Variants in ETS1 observed in about 807,000 individuals in gnomAD.
The protein encoded by ETS1 is ETS proto-oncogene 1, transcription factor.
Under a neutral mutation model 58.6 loss-of-function variants are expected in ETS1, and 15 were observed. That is an observed-to-expected ratio of 0.26 (90% CI 0.17 to 0.39). ETS1 has a LOEUF of 0.39. Ranked by LOEUF, ETS1 falls within the 10% of genes least tolerant of loss-of-function variation. ETS1 has a pLI of 1.00. For missense variants in ETS1, 417 were observed against 610.5 expected (o/e 0.68, Z 3.34); for synonymous variants, 214 against 218.2 (o/e 0.98, Z 0.17).
chr11:128,564,361 G>A (rs904526151), intron 2 of ETS1, among the ~76,000 whole-genome samples: 3 of 152,218 alleles, frequency 2.0e-5, no homozygotes, highest in Non-Finnish European at 4.4e-5. Context: ...CTTGGTGAAA[G>A]TGCAGGCCTG....
At chr11:128,526,614 C>A (rs1863806665) in intron 3 of ETS1, 1 of 266,192 alleles carries the variant, frequency 3.8e-6, no homozygotes, top group Non-Finnish European at 7.4e-6. Flanking sequence ...CACCACATTT[C>A]ATTTAAAAAT....
intron 3 of ETS1, among the ~76,000 whole-genome samples, chr11:128,553,273 C>G (rs1179223927): frequency 1.3e-5 from 2 of 152,188 alleles, no homozygotes; most frequent in East Asian, 3.8e-4. Flanking sequence ...ATGATGACTA[C>G]AAGATTGTTG....
At chr11:128,565,741 T>A (rs1036221064) in intron 2 of ETS1, among the ~76,000 whole-genome samples, 11 of 152,232 alleles carry the variant, frequency 7.2e-5, no homozygotes, top group African/African-American at 2.4e-4. Flanking sequence ...TTCAGCAGTC[T>A]CATTCCCACT....
chr11:128,523,748 A>T (rs1282501301), intron 3 of ETS1, among the ~76,000 whole-genome samples: 2 of 152,248 alleles, frequency 1.3e-5, no homozygotes, highest in African/African-American at 2.4e-5. Context: ...TGTATGTGAT[A>T]GTCCTAATTT....
intron 1 of ETS1, among the ~76,000 whole-genome samples, chr11:128,579,826 A>G (rs1393452183): frequency 6.6e-6 from 1 of 152,084 alleles, no homozygotes; most frequent in Non-Finnish European, 1.5e-5. Flanking sequence ...TCTGAATACT[A>G]TAGAAATGTA....
intron 7 of ETS1, among the ~76,000 whole-genome samples, chr11:128,484,064 T>A (rs1265147604): frequency 6.6e-6 from 1 of 152,234 alleles, no homozygotes; most frequent in African/African-American, 2.4e-5. Flanking sequence ...TCTGAGTGTT[T>A]ATGTCCTGTT....
At chr11:128,472,154 T>C (rs1862203679) in intron 8 of ETS1, among the ~76,000 whole-genome samples, 2 of 152,178 alleles carry the variant, frequency 1.3e-5, no homozygotes, top group South Asian at 4.1e-4. Flanking sequence ...GTGTCCTACC[T>C]ACGCCTTTAA....
intron 3 of ETS1, among the ~76,000 whole-genome samples, chr11:128,499,999 C>T (rs1176428210): frequency 1.3e-5 from 2 of 152,208 alleles, no homozygotes; most frequent in East Asian, 1.9e-4. Flanking sequence ...CTCCCTCCCA[C>T]GCAGGAAACA....
At chr11:128,520,782 A>G (rs3935794) in intron 3 of ETS1, among the ~76,000 whole-genome samples, 10,917 of 152,256 alleles carry the variant, frequency 0.072, 401 homozygotes, top group African/African-American at 0.09. Flanking sequence ...AGAATGACAA[A>G]ACATCAGTAT....
At chr11:128,571,500 T>TCCAGCCTGGACGACAGAGCAAGACTC (rs1565414945) in intron 2 of ETS1, among the ~76,000 whole-genome samples, 7 of 36,140 alleles carry the variant, frequency 1.9e-4, no homozygotes, top group African/African-American at 7.5e-4. Flanking sequence ...CAAGACTCCG[T>TCCAGCCTGGACGACAGAGCAAGACTC]CAAAAAAAAA....
intron 8 of ETS1, among the ~76,000 whole-genome samples, chr11:128,469,733 A>G (rs1862134766): frequency 6.6e-6 from 1 of 152,220 alleles, no homozygotes; most frequent in Non-Finnish European, 1.5e-5. Flanking sequence ...ACTGGCAATC[A>G]AGACCCTGAG....
At chr11:128,540,928 C>T (rs1864048460) in intron 3 of ETS1, among the ~76,000 whole-genome samples, 1 of 152,208 alleles carries the variant, frequency 6.6e-6, no homozygotes, top group Admixed American at 6.5e-5. Flanking sequence ...CTCAAGGATA[C>T]ATAAAGCAGA....
intron 1 of ETS1, among the ~76,000 whole-genome samples, chr11:128,579,705 T>G (rs1427679179): frequency 6.9e-6 from 1 of 145,526 alleles, no homozygotes; most frequent in Non-Finnish European, 1.5e-5. Flanking sequence ...CAACTAACCA[T>G]GTAAAAAAAA....
intron 3 of ETS1, among the ~76,000 whole-genome samples, chr11:128,554,174 G>A (rs566829520): frequency 3.4e-4 from 52 of 152,262 alleles, no homozygotes; most frequent in African/African-American, 1.2e-3. Context: ...GGCTAGAAAG[G>A]CTCAGGGTTC....
Position 128,462,285 on chromosome 11 carries a change from T to C in ETS1, c.*76A>G. On this transcript the variant is annotated 3_prime_UTR_variant, in exon 10 of 10. Transcript: ENST00000392668. ...TGGAAAATAAAAAATAGAATAACAA[T>C]TCAAAATTCAGAGTCCAACCAACAC... The C allele has an allele frequency of 1.7e-6, 2 of 1,158,942 alleles. No homozygotes were observed. The highest frequency in any genetic ancestry group is 2.5e-6 in the Non-Finnish European group (2 of 796,638). The allele number at this position is 1,158,942 out of a possible 1,614,324, so 71.8% of individuals were successfully genotyped here. A position where few individuals can be genotyped will look rare whatever the true frequency, so the allele number is the denominator to read the frequency against.
chr11:128,547,067 A>G (rs532465325), intron 3 of ETS1, among the ~76,000 whole-genome samples: 1 of 152,346 alleles, frequency 6.6e-6, no homozygotes, highest in South Asian at 2.1e-4. Context: ...CAAGGCTGCA[A>G]TGCTTCTGTC....
intron 8 of ETS1, among the ~76,000 whole-genome samples, chr11:128,478,600 T>C (rs12276127): frequency 0.92 from 140,725 of 152,234 alleles, 65,179 homozygotes; most frequent in African/African-American, 0.98. Flanking sequence ...TTAGAGATAA[T>C]GTCTACCTCC....
At chr11:128,567,763 G>T (rs1453654698) in intron 2 of ETS1, among the ~76,000 whole-genome samples, 1 of 152,094 alleles carries the variant, frequency 6.6e-6, no homozygotes, top group Non-Finnish European at 1.5e-5. Context: ...CTCCTGCATA[G>T]CTGGAATTAC....
At chr11:128,478,150 T>C (rs1862374191) in intron 8 of ETS1, among the ~76,000 whole-genome samples, 1 of 152,166 alleles carries the variant, frequency 6.6e-6, no homozygotes, top group South Asian at 2.1e-4. Flanking sequence ...TTCATTAAAA[T>C]GATTACTTCA....
Sources: allele counts gnomAD v4.1 joint callset (sites outside exome capture counted in the v4.1 genomes callset), GRCh38; gene constraint gnomAD v4.1.1; transcripts MANE v1.5; gene names NCBI Gene and HGNC (gene_info 2026-07-23, HGNC 2026-07-21).